Variants in MARCHF1 observed in about 807,000 individuals in gnomAD.
MARCHF1 encodes E3 ubiquitin-protein ligase MARCHF1.
Under a neutral mutation model 54.2 loss-of-function variants are expected in MARCHF1, and 40 were observed. The observed-to-expected ratio is 0.74, with a 90% confidence interval of 0.57 to 0.96. The LOEUF (loss-of-function observed/expected upper bound fraction) is 0.96, where lower values mean the gene tolerates loss of function less well. Among genes scored for constraint, MARCHF1 ranks in the 40% least tolerant of loss-of-function variants. The probability of loss-of-function intolerance (pLI) is 0.00; values close to 1 mark genes in which losing one functional copy is unlikely to be tolerated. For synonymous variants in MARCHF1, 236 were observed against 236.3 expected (o/e 1.00, Z 0.01); for missense variants, 586 against 656.5 (o/e 0.89, Z 1.17).
intron 4 of MARCHF1, among the ~76,000 whole-genome samples, chr4:163,781,598 C>A (rs529869124): frequency 1.3e-5 from 2 of 152,056 alleles, no homozygotes; most frequent in Admixed American, 6.6e-5. Flanking sequence ...AGCTGAAAAG[C>A]GGGATTCAAA....
intron 2 of MARCHF1, among the ~76,000 whole-genome samples, chr4:164,040,493 T>C (rs1754105485): frequency 6.7e-6 from 1 of 149,272 alleles, no homozygotes; most frequent in East Asian, 1.9e-4. Flanking sequence ...ATTATAGATA[T>C]AAAAATATTT....
intron 2 of MARCHF1, among the ~76,000 whole-genome samples, chr4:164,010,701 C>T (rs1753402446): frequency 6.6e-6 from 1 of 151,944 alleles, no homozygotes; most frequent in African/African-American, 2.4e-5. Flanking sequence ...CCAAAGCAAT[C>T]TACAGATTAA....
chr4:163,545,773 G>A (rs1738880034), intron 8 of MARCHF1, 30 bp from the exon 9 acceptor site: 1 of 1,604,524 alleles, frequency 6.2e-7, no homozygotes, highest in African/African-American at 1.3e-5. Flanking sequence ...ACACAAAACT[G>A]AATTGCAAAC....
At chr4:164,138,889 T>G (rs1756460199) in intron 1 of MARCHF1, among the ~76,000 whole-genome samples, 1 of 152,148 alleles carries the variant, frequency 6.6e-6, no homozygotes, top group Non-Finnish European at 1.5e-5. Context: ...AAAAAAGTAT[T>G]CTGAAATACT....
rs1738507383 is a variant in MARCHF1, at chr4:163,535,750, G to T, written c.1340-6704C>A. Among the ~76,000 whole-genome samples the T allele has an allele frequency of 2.6e-5, 3 of 113,366 alleles. No homozygotes were observed. In the South Asian group the frequency reaches 7.6e-4, roughly 29 times the overall value. The allele number at this position is 113,366 out of a possible 152,430, so 74.4% of individuals were successfully genotyped here. A position where few individuals can be genotyped will look rare whatever the true frequency, so the allele number is the denominator to read the frequency against. On this transcript the variant is annotated intron_variant, in intron 9 of 9. Transcript: ENST00000514618. ...GAGTCCATGCATTTGGAATATAGAA[G>T]GGCTTTTTTTTTTTTTTCTTAAGTT...
At chr4:163,789,655 C>T (rs754625492) in intron 4 of MARCHF1, among the ~76,000 whole-genome samples, 1 of 151,952 alleles carries the variant, frequency 6.6e-6, no homozygotes, top group Non-Finnish European at 1.5e-5. Flanking sequence ...AGCATTTTAA[C>T]AAATATATCA....
intron 3 of MARCHF1, among the ~76,000 whole-genome samples, chr4:163,941,459 A>G (rs955753144): frequency 9.2e-5 from 14 of 152,188 alleles, no homozygotes; most frequent in African/African-American, 3.4e-4. Flanking sequence ...GTATCAGATT[A>G]GAATTAGTTA....
chr4:164,229,118 C>T (rs183487489), intron 1 of MARCHF1, among the ~76,000 whole-genome samples: 4 of 152,218 alleles, frequency 2.6e-5, no homozygotes, highest in African/African-American at 7.2e-5. Flanking sequence ...CTTTTATCAA[C>T]GGAAGTATTA....
chr4:164,156,792 C>G (rs1041788335), intron 1 of MARCHF1, among the ~76,000 whole-genome samples: 14 of 152,084 alleles, frequency 9.2e-5, no homozygotes, highest in African/African-American at 3.4e-4. Flanking sequence ...ATTCAGGAAT[C>G]CTCCAGACTA....
intron 4 of MARCHF1, among the ~76,000 whole-genome samples, chr4:163,716,187 T>TA (rs1439502324): frequency 6.6e-6 from 1 of 152,024 alleles, no homozygotes; most frequent in Non-Finnish European, 1.5e-5. Context: ...GGAGGCATCT[T>TA]AATCTGGTAA....
intron 4 of MARCHF1, among the ~76,000 whole-genome samples, chr4:163,717,510 G>A (rs889558166): frequency 2.0e-5 from 3 of 151,952 alleles, no homozygotes; most frequent in Non-Finnish European, 4.4e-5. Context: ...GGGTATATAC[G>A]CAGTAATGGG....
At chr4:164,041,925 A>G (rs1172345696) in intron 2 of MARCHF1, among the ~76,000 whole-genome samples, 1 of 152,116 alleles carries the variant, frequency 6.6e-6, no homozygotes, top group Non-Finnish European at 1.5e-5. Context: ...TAGGGGAAAA[A>G]ATGATCCCTT....
chr4:164,098,391 A>T (rs768610917), intron 2 of MARCHF1, among the ~76,000 whole-genome samples: 5 of 152,170 alleles, frequency 3.3e-5, no homozygotes, highest in Non-Finnish European at 7.4e-5. Context: ...AAAACTCAAG[A>T]TCACCAGGAA....
chr4:164,175,799 A>G (rs1436910948), intron 1 of MARCHF1, among the ~76,000 whole-genome samples: 1 of 152,184 alleles, frequency 6.6e-6, no homozygotes, highest in Non-Finnish European at 1.5e-5. Context: ...TCTTAGCCCC[A>G]GTAATCATGT....
chr4:164,313,705 A>G (rs1734927021), intron 1 of MARCHF1, among the ~76,000 whole-genome samples: 1 of 152,196 alleles, frequency 6.6e-6, no homozygotes, highest in Admixed American at 6.5e-5. Context: ...AACAGAATGC[A>G]TCATCTTCCC....
At chr4:163,541,442 CAAG>C (rs1233890489) in intron 9 of MARCHF1, among the ~76,000 whole-genome samples, 1 of 152,132 alleles carries the variant, frequency 6.6e-6, no homozygotes, top group African/African-American at 2.4e-5. Flanking sequence ...AAAGATAAGG[CAAG>C]AATAACAACT....
At chr4:164,010,458 A>C (rs1753397729) in intron 2 of MARCHF1, among the ~76,000 whole-genome samples, 1 of 152,010 alleles carries the variant, frequency 6.6e-6, no homozygotes, top group South Asian at 2.1e-4. Context: ...TAAACAATAA[A>C]ATCAGAAACA....
At chr4:163,908,222 A>G (rs2111327169) in intron 3 of MARCHF1, among the ~76,000 whole-genome samples, 1 of 152,320 alleles carries the variant, frequency 6.6e-6, no homozygotes, top group African/African-American at 2.4e-5. Context: ...TATCTTCTGC[A>G]TACATCAAAA....
At chr4:164,210,359 AATT>A (rs1731730385) in intron 1 of MARCHF1, among the ~76,000 whole-genome samples, 1 of 152,204 alleles carries the variant, frequency 6.6e-6, no homozygotes, top group African/African-American at 2.4e-5. Flanking sequence ...TATCAAAGAT[AATT>A]ACTCAGTGTC....
Sources: gnomAD v4.1 joint callset for allele counts (sites outside exome capture counted in the v4.1 genomes callset) on GRCh38, gnomAD v4.1.1 for gene constraint, MANE v1.5 for transcripts, NCBI Gene and HGNC (gene_info 2026-07-23, HGNC 2026-07-21) for gene names.